EXOC1L: variants seen among roughly 807,000 people sequenced by gnomAD.
EXOC1L encodes the protein exocyst complex component 1 like.
A neutral mutation model predicts 4.9 loss-of-function variants in EXOC1L; 10 were observed. That is an observed-to-expected ratio of 2.02 (90% CI 1.25 to 3.43). The LOEUF (loss-of-function observed/expected upper bound fraction) is 3.43. Ranked by LOEUF, EXOC1L falls within the 30% of genes most tolerant of loss-of-function variation. The probability of loss-of-function intolerance (pLI) is 0.00; values close to 1 mark genes in which losing one functional copy is unlikely to be tolerated. For missense variants in EXOC1L, 114 were observed against 59.4 expected (o/e 1.92, Z -3.02); for synonymous variants, 41 against 20.8 (o/e 1.97, Z -2.63).
rs78935086 is a variant in EXOC1L at position 55,836,713 on chromosome 4, A to G, written c.253-372A>G. Among the ~76,000 whole-genome samples the G allele has an allele frequency of 8.2e-3, 1,239 of 152,000 alleles. 20 individuals are homozygous for G. Among genetic ancestry groups the G allele is most frequent in the African/African-American group, 0.028 (1,173 of 41,526 alleles). ...TAGCACAAGGAACCAACCTCGTACT[A>G]AAAAGGGAGAGGAACCTTTTCTGTT... On this transcript the variant is annotated intron_variant, in intron 2 of 2. Coordinates refer to ENST00000636125, the MANE Select transcript of EXOC1L (RefSeq NM_001351574.3).
intron 1 of EXOC1L, among the ~76,000 whole-genome samples, chr4:55,829,098 G>T (rs995073938): frequency 2.6e-5 from 4 of 152,064 alleles, no homozygotes; most frequent in African/African-American, 7.2e-5. Context: ...ATCCAGTGTT[G>T]TTTCCATCCA....
In EXOC1L at chr4:55,831,453, G is replaced by A. The variant is rs1234570566; in HGVS notation, c.241G>A (p.Glu81Lys). ...CGATCTGCAGATGATTGATGGAAAA[G>A]AAGCAGATACTGTAAGTGTTACATT... ...LNDLQMIDGK[E>K]ADTDNPFFDL... Residue 81 changes from glutamate to lysine, a missense_variant, in exon 2 of 3, where the codon GAA becomes AAA. By Grantham distance (56) the Glu-to-Lys change is moderately conservative. Transcript: ENST00000636125. The A allele has an allele frequency of 1.4e-6, 1 of 691,090 alleles. No individual in the cohort carries two copies. The highest frequency in any genetic ancestry group is 1.5e-5 in the South Asian group (1 of 64,738). The allele number at this position is 691,090 out of a possible 1,614,324, so 42.8% of individuals were successfully genotyped here.
chr4:55,831,942 C>T (rs896055232), intron 2 of EXOC1L, among the ~76,000 whole-genome samples: 4 of 151,928 alleles, frequency 2.6e-5, no homozygotes, highest in African/African-American at 9.7e-5. Flanking sequence ...ACCACTTGAC[C>T]CCTGACAAGT....
chr4:55,837,307 G>A lies in EXOC1L; in HGVS notation c.475G>A (p.Ala159Thr), dbSNP rs752420815. The A allele has an allele frequency of 1.8e-5, 12 of 666,490 alleles. No individual in the cohort carries two copies. Among genetic ancestry groups the A allele is most frequent in the Middle Eastern group, 3.5e-4 (1 of 2,892 alleles). The allele number at this position is 666,490 out of a possible 1,614,324, so 41.3% of individuals were successfully genotyped here. ...CLVLMRICFY[A>T]FNLVCLSLCP... Reference sequence around the variant, plus strand: ...GGTCCTTATGAGAATATGCTTTTACGCTTTCAATCTTGTGTGCTTGTCCCT... The same window carrying A: ...GGTCCTTATGAGAATATGCTTTTACACTTTCAATCTTGTGTGCTTGTCCCT... The change falls in exon 3 of 3, where the codon GCT (alanine) becomes ACT (threonine). Residue 159 changes from alanine (A) to threonine (T), a missense_variant. Physicochemically the swap from Ala to Thr is moderately conservative, Grantham distance 58 (BLOSUM62 0). Transcript: ENST00000636125.
At position 55,833,103 on chromosome 4, in the gene EXOC1L, T is replaced by C. The variant is rs150924018; in HGVS notation, c.252+1639T>C. The stretch of plus-strand genomic sequence containing the variant: ...CATTGCTGTGTTTCCTAAATATTCA[T>C]GTAACACCTTTTTGACAATATGTTC... On this transcript the variant is annotated intron_variant, in intron 2 of 2. Transcript: ENST00000636125. Among the ~76,000 whole-genome samples the C allele has an allele frequency of 4.4e-3, 668 of 152,090 alleles. 3 individuals carry two copies. The highest frequency in any genetic ancestry group is 0.015 in the African/African-American group (617 of 41,536).
At chr4:55,826,007 C>G (rs1719870594) in intron 1 of EXOC1L, among the ~76,000 whole-genome samples, 1 of 151,120 alleles carries the variant, frequency 6.6e-6, no homozygotes, top group Non-Finnish European at 1.5e-5. Context: ...ATCGCTTGAA[C>G]CCAGGAGGCG....
At chr4:55,821,925 GT>G (rs1172284911) in intron 1 of EXOC1L, among the ~76,000 whole-genome samples, 1 of 152,182 alleles carries the variant, frequency 6.6e-6, no homozygotes, top group Non-Finnish European at 1.5e-5. Flanking sequence ...TTTAAAATAA[GT>G]CAGCGTGTTG....
At chr4:55,827,225 C>G (rs932280938) in intron 1 of EXOC1L, among the ~76,000 whole-genome samples, 1 of 152,166 alleles carries the variant, frequency 6.6e-6, no homozygotes, top group African/African-American at 2.4e-5. Context: ...GCCAGCAATA[C>G]CAGATGCTTT....
intron 2 of EXOC1L, among the ~76,000 whole-genome samples, chr4:55,833,218 T>G (rs934188731): frequency 4.6e-5 from 7 of 151,846 alleles, no homozygotes; most frequent in African/African-American, 1.7e-4. Flanking sequence ...AAAATATGCT[T>G]CCAAAAGAAT....
chr4:55,836,462 T>C (rs893761178), intron 2 of EXOC1L, among the ~76,000 whole-genome samples: 2 of 151,960 alleles, frequency 1.3e-5, no homozygotes, highest in African/African-American at 4.8e-5. Context: ...ATGTAGGACC[T>C]AGATCAGGTT....
intron 1 of EXOC1L, among the ~76,000 whole-genome samples, chr4:55,821,934 T>C (rs1055300409): frequency 6.6e-6 from 1 of 152,236 alleles, no homozygotes; most frequent in African/African-American, 2.4e-5. Context: ...AGTCAGCGTG[T>C]TGCTTGAATA....
chr4:55,820,781 A>G (rs568517337), intron 1 of EXOC1L, among the ~76,000 whole-genome samples: 1 of 152,358 alleles, frequency 6.6e-6, no homozygotes, highest in African/African-American at 2.4e-5. Context: ...CAAACTGTTT[A>G]ACTAAAATAA....
intron 1 of EXOC1L, among the ~76,000 whole-genome samples, chr4:55,826,452 CAA>C (rs1439184717): frequency 6.6e-6 from 1 of 151,962 alleles, no homozygotes; most frequent in Non-Finnish European, 1.5e-5. Flanking sequence ...TTATTAATGA[CAA>C]AGTTTATTTT....
At chr4:55,830,221 G>A (rs10213662) in intron 1 of EXOC1L, among the ~76,000 whole-genome samples, 3,132 of 152,140 alleles carry the variant, frequency 0.021, 127 homozygotes, top group African/African-American at 0.072. Context: ...TGTCTACAGC[G>A]CTAGGAGAGC....
intron 1 of EXOC1L, among the ~76,000 whole-genome samples, chr4:55,822,946 A>T (rs932256246): frequency 6.7e-6 from 1 of 148,630 alleles, no homozygotes; most frequent in African/African-American, 2.5e-5. Context: ...TATATACTAT[A>T]AATACATATT....
intron 1 of EXOC1L, among the ~76,000 whole-genome samples, chr4:55,823,310 C>G (rs1041891530): frequency 2.0e-5 from 3 of 152,058 alleles, no homozygotes; most frequent in Non-Finnish European, 2.9e-5. Context: ...TTGCTAAAAA[C>G]AATTTTAAAG....
At chr4:55,821,817 A>T (rs1392201009) in intron 1 of EXOC1L, among the ~76,000 whole-genome samples, 1 of 152,232 alleles carries the variant, frequency 6.6e-6, no homozygotes, top group Admixed American at 6.5e-5. Flanking sequence ...CTAACTTTTC[A>T]CTACTCTCTT....
At chr4:55,829,448 G>T (rs926575571) in intron 1 of EXOC1L, among the ~76,000 whole-genome samples, 1 of 152,134 alleles carries the variant, frequency 6.6e-6, no homozygotes, top group Admixed American at 6.5e-5. Context: ...AAGCTGCATT[G>T]CATTTTCCAG....
At chr4:55,826,607 G>C (rs1222872894) in intron 1 of EXOC1L, among the ~76,000 whole-genome samples, 3 of 152,178 alleles carry the variant, frequency 2.0e-5, no homozygotes, top group Non-Finnish European at 4.4e-5. Flanking sequence ...TTTGATAATG[G>C]AAACTCTGAT....
Sources: allele counts gnomAD v4.1 joint callset (sites outside exome capture counted in the v4.1 genomes callset), GRCh38; gene constraint gnomAD v4.1.1; transcripts MANE v1.5; gene names NCBI Gene and HGNC (gene_info 2026-07-23, HGNC 2026-07-21).